BMP5: variants seen among roughly 807,000 people sequenced by gnomAD.
BMP5 encodes bone morphogenetic protein 5.
A neutral mutation model predicts 46.6 loss-of-function variants in BMP5; 23 were observed. The ratio of observed to expected loss-of-function variants is 0.49; its 90% CI spans 0.35 to 0.70. The LOEUF (loss-of-function observed/expected upper bound fraction) is 0.70. BMP5 is among the 30% of genes least tolerant of loss of function. The pLI is 0.00. For synonymous variants in BMP5, 204 were observed against 191.9 expected (o/e 1.06, Z -0.52); for missense variants, 545 against 565.6 (o/e 0.96, Z 0.37).
At chr6:55,836,631 TACACACAC>T (rs61358651) in intron 1 of BMP5, among the ~76,000 whole-genome samples, 7 of 139,516 alleles carry the variant, frequency 5.0e-5, no homozygotes, top group African/African-American at 1.7e-4. Context: ...CATACATACA[TACACACAC>T]ACACACACAC....
At chr6:55,758,367 G>T (rs1774668261) in intron 6 of BMP5, among the ~76,000 whole-genome samples, 1 of 151,676 alleles carries the variant, frequency 6.6e-6, no homozygotes, top group African/African-American at 2.4e-5. Flanking sequence ...GAGCTCATTA[G>T]GTACAAGGCA....
chr6:55,862,062 T>G (rs992670085), intron 1 of BMP5, among the ~76,000 whole-genome samples: 1 of 152,362 alleles, frequency 6.6e-6, no homozygotes, highest in South Asian at 2.1e-4. Flanking sequence ...ACGCTAGCTG[T>G]AGCAAACAGA....
chr6:55,781,984 A>C (rs968719148), intron 3 of BMP5, among the ~76,000 whole-genome samples: 1 of 152,090 alleles, frequency 6.6e-6, no homozygotes, highest in African/African-American at 2.4e-5. Flanking sequence ...TACCAGCAAA[A>C]TAGAAGAAAA....
At chr6:55,850,432 T>C (rs1777211005) in intron 1 of BMP5, among the ~76,000 whole-genome samples, 1 of 152,040 alleles carries the variant, frequency 6.6e-6, no homozygotes, top group Admixed American at 6.6e-5. Context: ...TAGAGGTAGA[T>C]AGATAGATCC....
intron 1 of BMP5, among the ~76,000 whole-genome samples, chr6:55,837,360 TA>T (rs1776834240): frequency 2.0e-5 from 3 of 150,418 alleles, no homozygotes; most frequent in African/African-American, 7.4e-5. Context: ...GATAGATAGA[TA>T]GATAGATAGA....
chr6:55,787,148 T>A (rs1403726866), intron 3 of BMP5, among the ~76,000 whole-genome samples: 1 of 151,632 alleles, frequency 6.6e-6, no homozygotes, highest in Non-Finnish European at 1.5e-5. Flanking sequence ...TTGACACAGA[T>A]AAATTAAACC....
rs144695858 is a variant in BMP5 at position 55,874,727 on chromosome 6, C to T, written c.139G>A (p.Glu47Lys). ...SFIYRRLRNHERREIQREILS... is the reference protein window; with the variant it reads ...SFIYRRLRNHKRREIQREILS... ...ATTTCCCTTTGTATTTCCCGTCTTT[C>T]GTGGTTCCGTAGTCTTCTATAAATA... The change falls in exon 1 of 7, where the codon GAA (glutamate) becomes AAA (lysine). Residue 47 changes from glutamate (E) to lysine (K), a missense_variant. Physicochemically the swap from Glu to Lys is moderately conservative, Grantham distance 56. Transcript: ENST00000370830. 1.9e-6 allele frequency: 3 copies of T among 1,613,468 alleles called. No individual in the cohort carries two copies. Among genetic ancestry groups the T allele is most frequent in the East Asian group, 2.2e-5 (1 of 44,846 alleles).
intron 1 of BMP5, among the ~76,000 whole-genome samples, chr6:55,821,258 T>C (rs1582093355): frequency 6.6e-6 from 1 of 152,144 alleles, no homozygotes; most frequent in Non-Finnish European, 1.5e-5. Flanking sequence ...TCCATAATAA[T>C]CTCTGGTTTA....
intron 1 of BMP5, among the ~76,000 whole-genome samples, chr6:55,872,371 A>G (rs1777807038): frequency 6.6e-6 from 1 of 151,696 alleles, no homozygotes; most frequent in Admixed American, 6.6e-5. Flanking sequence ...AAATAAACAC[A>G]CAGTTTCTCT....
chr6:55,871,765 G>T (rs1335446618), intron 1 of BMP5, among the ~76,000 whole-genome samples: 1 of 151,542 alleles, frequency 6.6e-6, no homozygotes, highest in Non-Finnish European at 1.5e-5. Flanking sequence ...TTTTTAAAAG[G>T]ATGCTACTAG....
chr6:55,830,304 G>A (rs929170759), intron 1 of BMP5, among the ~76,000 whole-genome samples: 5 of 152,048 alleles, frequency 3.3e-5, no homozygotes, highest in African/African-American at 4.8e-5. Context: ...AGACCACACT[G>A]TAATTAGAGT....
chr6:55,851,556 G>A (rs1014790914), intron 1 of BMP5, among the ~76,000 whole-genome samples: 6 of 152,120 alleles, frequency 3.9e-5, no homozygotes, highest in South Asian at 2.1e-4. Flanking sequence ...TCTGGAGAGA[G>A]GAATAGGCAG....
intron 2 of BMP5, among the ~76,000 whole-genome samples, chr6:55,796,457 GTA>G (rs1439680979): frequency 6.6e-6 from 1 of 150,480 alleles, no homozygotes; most frequent in African/African-American, 2.4e-5. Flanking sequence ...CAGTTTAAAT[GTA>G]TATATATATA....
Position 55,772,942 on chromosome 6 carries a change from C to T in BMP5, c.1027+1107G>A, listed in dbSNP as rs1468962888. The T allele has an allele frequency of 1.3e-5, 13 of 984,270 alleles. No individual in the cohort carries two copies. The South Asian group carries it at 2.8e-4, about 21-fold the overall frequency. The allele number at this position is 984,270 out of a possible 1,614,324, so 61.0% of individuals were successfully genotyped here. A position where few individuals can be genotyped will look rare whatever the true frequency, so the allele number is the denominator to read the frequency against. On this transcript the variant is annotated intron_variant, in intron 4 of 6. Transcript: ENST00000370830. The stretch of plus-strand genomic sequence containing the variant: ...CAAATAAAAACAAACAAATAAAGGT[C>T]GTCATCTATTTCTTATCTAAACACT...
intron 4 of BMP5, 33 bp downstream of exon 4, chr6:55,774,016 C>T: frequency 6.2e-7 from 1 of 1,606,512 alleles, no homozygotes; most frequent in Non-Finnish European, 8.5e-7. Flanking sequence ...CCATAACTCT[C>T]TGTGCATAAC....
intron 3 of BMP5, among the ~76,000 whole-genome samples, chr6:55,776,378 TACA>T (rs144170868): frequency 0.042 from 6,410 of 151,944 alleles, 187 homozygotes; most frequent in Non-Finnish European, 0.064. Context: ...TAAACACTTT[TACA>T]ACATGTTTAT....
chr6:55,812,803 AAT>A (rs1160086225), intron 2 of BMP5, among the ~76,000 whole-genome samples: 2 of 152,218 alleles, frequency 1.3e-5, no homozygotes, highest in African/African-American at 4.8e-5. Context: ...ACAAATAATC[AAT>A]AGTTAAAACA....
intron 3 of BMP5, among the ~76,000 whole-genome samples, chr6:55,778,742 C>T (rs2127523135): frequency 6.6e-6 from 1 of 152,016 alleles, no homozygotes; most frequent in African/African-American, 2.4e-5. Context: ...TAGGATTGGA[C>T]TGATATCTTC....
intron 1 of BMP5, among the ~76,000 whole-genome samples, chr6:55,835,212 A>G (rs2127543440): frequency 6.6e-6 from 1 of 152,256 alleles, no homozygotes; most frequent in African/African-American, 2.4e-5. Context: ...TCAAGATATT[A>G]TCGAAAAATA....
Sources: allele counts gnomAD v4.1 joint callset (sites outside exome capture counted in the v4.1 genomes callset), GRCh38; gene constraint gnomAD v4.1.1; transcripts MANE v1.5; gene names NCBI Gene and HGNC (gene_info 2026-07-23, HGNC 2026-07-21).